The following TSPAN14 variants were observed in gnomAD, a reference collection of about 807,000 sequenced individuals.
TSPAN14 encodes tetraspanin-14.
In TSPAN14, 16 loss-of-function variants were observed where a neutral mutation model predicts 36.6. That is an observed-to-expected ratio of 0.44 (90% CI 0.30 to 0.66). The LOEUF (loss-of-function observed/expected upper bound fraction) is 0.66. TSPAN14 is among the 30% of genes least tolerant of loss of function. The probability of loss-of-function intolerance (pLI) is 0.12; values close to 1 mark genes in which losing one functional copy is unlikely to be tolerated. For missense variants in TSPAN14, 231 were observed against 355.1 expected (o/e 0.65, Z 2.81); for synonymous variants, 139 against 143.8 (o/e 0.97, Z 0.24).
chr10:80,469,758 TTTTG>T (rs552302134), intron 1 of TSPAN14, among the ~76,000 whole-genome samples: 1 of 152,154 alleles, frequency 6.6e-6, no homozygotes, highest in Non-Finnish European at 1.5e-5. Context: ...TGGAAAGGAT[TTTTG>T]TTTGTTTTGT....
chr10:80,521,038 C>T (rs1246811252), exon 9 of TSPAN14: 2 of 328,762 alleles, frequency 6.1e-6, no homozygotes, highest in African/African-American at 2.2e-5. Context: ...ACTGGGTTTC[C>T]CCATGAATAA....
At chr10:80,492,583 G>C (rs555525583) in intron 2 of TSPAN14, among the ~76,000 whole-genome samples, 1 of 152,164 alleles carries the variant, frequency 6.6e-6, no homozygotes, top group African/African-American at 2.4e-5. Flanking sequence ...TTGGGAGGCC[G>C]AGGCAGGCGG....
intron 2 of TSPAN14, among the ~76,000 whole-genome samples, chr10:80,497,978 C>T (rs1487088380): frequency 6.6e-6 from 1 of 152,202 alleles, no homozygotes; most frequent in Non-Finnish European, 1.5e-5. Context: ...CATAAGGAAG[C>T]CGAGCCCTAG....
chr10:80,499,805 G>A (rs1295810727), intron 2 of TSPAN14, among the ~76,000 whole-genome samples: 1 of 152,240 alleles, frequency 6.6e-6, no homozygotes, highest in Non-Finnish European at 1.5e-5. Flanking sequence ...AGTGACCATA[G>A]CAGTTTAGGT....
At chr10:80,479,564 G>T (rs1184896349) in intron 1 of TSPAN14, among the ~76,000 whole-genome samples, 2 of 151,948 alleles carry the variant, frequency 1.3e-5, no homozygotes, top group African/African-American at 2.4e-5. Flanking sequence ...TTTCCCCATT[G>T]CTTGTTTTTC....
At chr10:80,483,079 A>T (rs1006706901) in intron 1 of TSPAN14, among the ~76,000 whole-genome samples, 1 of 152,122 alleles carries the variant, frequency 6.6e-6, no homozygotes, top group African/African-American at 2.4e-5. Context: ...GATATTTTAC[A>T]GTTGAGAATG....
At chr10:80,506,832 G>A (rs1322101345) in intron 3 of TSPAN14, among the ~76,000 whole-genome samples, 1 of 152,220 alleles carries the variant, frequency 6.6e-6, no homozygotes, top group Non-Finnish European at 1.5e-5. Flanking sequence ...CATCTCAGAA[G>A]AGTAGTGTTC....
At chr10:80,462,775 G>A (rs1846046909) in intron 1 of TSPAN14, among the ~76,000 whole-genome samples, 1 of 152,172 alleles carries the variant, frequency 6.6e-6, no homozygotes, top group Non-Finnish European at 1.5e-5. Flanking sequence ...ACTGTTTTTA[G>A]CCTGTCCTTG....
In TSPAN14 at chr10:80,509,268, G is replaced by A; in HGVS notation, c.280-33G>A. The A allele has an allele frequency of 4.4e-6, 7 of 1,602,568 alleles. No individual in the cohort carries two copies. Among genetic ancestry groups the A allele is most frequent in the Non-Finnish European group, 5.1e-6 (6 of 1,174,036 alleles). ...GTGTGGGGGTGCAGGCTGGTGGGGT[G>A]GTGACTTCTGCTCCCGTCCCCTTCC... On this transcript the variant is annotated intron_variant, in intron 4 of 8. Coordinates refer to ENST00000429989, the Ensembl canonical transcript of TSPAN14. The surrounding 1 kb of genome is among the most constrained non-coding windows in gnomAD (Gnocchi z 4.7).
exon 9 of TSPAN14, chr10:80,522,531 T>C (rs546109055): frequency 1.9e-4 from 29 of 152,182 alleles, no homozygotes; most frequent in African/African-American, 7.0e-4. Context: ...AAAAAAAAAC[T>C]ACTACAATAA....
At chr10:80,456,881 G>A (rs1323920036) in intron 1 of TSPAN14, among the ~76,000 whole-genome samples, 2 of 151,948 alleles carry the variant, frequency 1.3e-5, no homozygotes, top group Non-Finnish European at 2.9e-5. Flanking sequence ...TGACCAACAC[G>A]GTGAAACCCT....
intron 5 of TSPAN14, among the ~76,000 whole-genome samples, chr10:80,511,692 A>G (rs953611161): frequency 9.0e-6 from 1 of 111,124 alleles, no homozygotes; most frequent in African/African-American, 3.7e-5. Flanking sequence ...ATTTTCTTTA[A>G]CACATCAAAA....
At chr10:80,503,308 A>G (rs369789150) in intron 2 of TSPAN14, among the ~76,000 whole-genome samples, 1 of 152,172 alleles carries the variant, frequency 6.6e-6, no homozygotes, top group Non-Finnish European at 1.5e-5. Flanking sequence ...TATGGTAGAA[A>G]GGGCTCTACC....
chr10:80,480,267 T>G (rs1450281170), intron 1 of TSPAN14, among the ~76,000 whole-genome samples: 5 of 151,730 alleles, frequency 3.3e-5, no homozygotes, highest in African/African-American at 1.2e-4. Context: ...CCTCTTTTCC[T>G]AATTGAATAC....
intron 2 of TSPAN14, among the ~76,000 whole-genome samples, chr10:80,490,660 G>A (rs1435920697): frequency 2.6e-5 from 4 of 152,268 alleles, no homozygotes; most frequent in African/African-American, 2.4e-5. Context: ...AGCTGGAGTC[G>A]GCTGAGGAGC....
intron 1 of TSPAN14, chr10:80,468,736 T>TG (rs1846375894): frequency 6.6e-6 from 1 of 151,464 alleles, no homozygotes; most frequent in Non-Finnish European, 1.5e-5. Flanking sequence ...TTTTTTTTTT[T>TG]TGTGAGATAG....
chr10:80,485,732 G>GT (rs1272067241), intron 1 of TSPAN14: 1 of 976,860 alleles, frequency 1.0e-6, no homozygotes, highest in African/African-American at 1.8e-5. Flanking sequence ...CCGAGGTTAG[G>GT]TGGGTGGCAG....
chr10:80,504,847 C>T, intron 3 of TSPAN14, 69 bp downstream of exon 3: 1 of 1,532,496 alleles, frequency 6.5e-7, no homozygotes, highest in Non-Finnish European at 9.0e-7. Flanking sequence ...CTTCATTTTC[C>T]CTCCTCCAAT....
chr10:80,465,891 C>A (rs140625854), intron 1 of TSPAN14, among the ~76,000 whole-genome samples: 2 of 152,170 alleles, frequency 1.3e-5, no homozygotes, highest in Admixed American at 6.5e-5. Context: ...TTCTCTCCCC[C>A]ACCACTTTTT....
Sources: gnomAD v4.1 joint callset for allele counts (sites outside exome capture counted in the v4.1 genomes callset) on GRCh38, gnomAD v4.1.1 for gene constraint, Gnocchi (gnomAD v3.1) non-coding constraint, MANE v1.5 for transcripts, NCBI Gene and HGNC (gene_info 2026-07-23, HGNC 2026-07-21) for gene names.